Variants in CACNA2D3 observed in about 807,000 individuals in gnomAD.
The protein encoded by CACNA2D3 is calcium voltage-gated channel auxiliary subunit alpha2delta 3, also known as voltage-dependent calcium channel subunit alpha-2/delta-3.
In CACNA2D3, 60 loss-of-function variants were observed where a neutral mutation model predicts 160.6. The ratio of observed to expected loss-of-function variants is 0.37; its 90% confidence interval spans 0.30 to 0.46. The LOEUF is 0.46. CACNA2D3 is among the 20% of genes least tolerant of loss of function. The pLI, the probability that CACNA2D3 is intolerant of heterozygous loss-of-function variation, is 1.00. For missense variants in CACNA2D3, 1,205 were observed against 1,365.0 expected, an observed-to-expected ratio of 0.88 and a Z score of 1.85; for synonymous variants, 558 against 492.9, an observed-to-expected ratio of 1.13 and a Z score of -1.75.
At chr3:54,194,144 T>C (rs1178845870) in intron 2 of CACNA2D3, among the ~76,000 whole-genome samples, 1 of 152,088 alleles carries the variant, frequency 6.6e-6, no homozygotes, top group Non-Finnish European at 1.5e-5. Context: ...AAAAGGAATA[T>C]GTTCTAATGT....
intron 26 of CACNA2D3, among the ~76,000 whole-genome samples, chr3:54,897,485 G>A (rs966867728): frequency 6.6e-6 from 1 of 152,110 alleles, no homozygotes; most frequent in Non-Finnish European, 1.5e-5. Flanking sequence ...TACTGGAAAT[G>A]CTTCAGTTTT....
At chr3:54,264,442 C>T (rs552947028) in intron 2 of CACNA2D3, among the ~76,000 whole-genome samples, 63 of 152,270 alleles carry the variant, frequency 4.1e-4, no homozygotes, top group African/African-American at 1.3e-3. Flanking sequence ...AAGCTGCATT[C>T]GTTTTCCTGA....
chr3:54,624,103 A>G (rs1224278454), intron 9 of CACNA2D3, among the ~76,000 whole-genome samples: 1 of 152,208 alleles, frequency 6.6e-6, no homozygotes, highest in Non-Finnish European at 1.5e-5. Context: ...GGGAGTCCTT[A>G]ACTTGAGAAG....
chr3:55,035,902 T>C (rs1012384051), intron 35 of CACNA2D3, among the ~76,000 whole-genome samples: 4 of 152,162 alleles, frequency 2.6e-5, no homozygotes, highest in African/African-American at 9.7e-5. Flanking sequence ...TGAGTGAGGA[T>C]GGATATTAAA....
chr3:54,700,855 C>T (rs1028124705), intron 11 of CACNA2D3, among the ~76,000 whole-genome samples: 3 of 152,270 alleles, frequency 2.0e-5, no homozygotes, highest in African/African-American at 7.2e-5. Flanking sequence ...AAACTACTTG[C>T]CCAAGTCTCA....
intron 2 of CACNA2D3, among the ~76,000 whole-genome samples, chr3:54,246,261 T>A (rs1702074000): frequency 6.6e-6 from 1 of 152,246 alleles, no homozygotes; most frequent in Non-Finnish European, 1.5e-5. Flanking sequence ...CCCTTGAGGA[T>A]CTTAGATAGG....
rs542776331 is a variant in CACNA2D3 at position 54,913,354 on chromosome 3, T to C, written c.2449+13486T>C. 6.6e-5 allele frequency among the ~76,000 whole-genome samples: 10 copies of C among 152,350 alleles called. No homozygotes were observed. The East Asian group carries it at 1.9e-3, about 29-fold the overall frequency. On this transcript the variant is annotated intron_variant, in intron 27 of 37. Transcript: ENST00000474759. ...TGGAGACTTAGCTATCCTTGAGCAGTATTCCTAATTTCCGTGGCCCTCGTA... is the reference window on the plus strand; with the variant it reads ...TGGAGACTTAGCTATCCTTGAGCAGCATTCCTAATTTCCGTGGCCCTCGTA...
At position 54,937,651 on chromosome 3, in the gene CACNA2D3, G is replaced by A. The variant is rs1701363914; in HGVS notation, c.2450-30799G>A. On this transcript the variant is annotated intron_variant, in intron 27 of 37. Coordinates refer to ENST00000474759, the MANE Select transcript of CACNA2D3 (RefSeq NM_018398.3). ...AGTCTGGCAATTCAGCCTGAGAGGT[G>A]AGGGCAGGCATCCCAATGGATGTTA... 3.3e-5 allele frequency among the ~76,000 whole-genome samples: 5 copies of A among 152,288 alleles called. No homozygotes were observed. In the South Asian group the frequency reaches 1.0e-3, roughly 32 times the overall value.
At chr3:54,171,135 A>ATTTTTTTTTTTTTTT (rs1700557445) in intron 2 of CACNA2D3, among the ~76,000 whole-genome samples, 1 of 18,752 alleles carries the variant, frequency 5.3e-5, no homozygotes, top group Non-Finnish European at 1.1e-4. Context: ...AAAGATGATG[A>ATTTTTTTTTTTTTTT]CTTTTTTTTT....
At chr3:54,848,750 C>T (rs1698990212) in intron 17 of CACNA2D3, among the ~76,000 whole-genome samples, 1 of 152,196 alleles carries the variant, frequency 6.6e-6, no homozygotes, top group Admixed American at 6.5e-5. Flanking sequence ...AACTCCTAGT[C>T]CCACTACATC....
intron 4 of CACNA2D3, among the ~76,000 whole-genome samples, chr3:54,478,683 T>TATATATATATA (rs1553692205): frequency 7.1e-6 from 1 of 139,878 alleles, no homozygotes; most frequent in Non-Finnish European, 1.5e-5. Flanking sequence ...TATATATTGC[T>TATATATATATA]TGTCATTCTG....
chr3:55,065,761 G>A (rs558255336), intron 35 of CACNA2D3, among the ~76,000 whole-genome samples: 10 of 151,030 alleles, frequency 6.6e-5, no homozygotes, highest in African/African-American at 1.5e-4. Flanking sequence ...GGAAGGAAAC[G>A]AAAGAAAAAA....
At chr3:54,852,701 T>C (rs992807437) in intron 17 of CACNA2D3, among the ~76,000 whole-genome samples, 12 of 152,172 alleles carry the variant, frequency 7.9e-5, no homozygotes, top group African/African-American at 2.9e-4. Context: ...AATCCATGGA[T>C]TGATACATGG....
In CACNA2D3 at chr3:55,061,010, G is replaced by A. The variant is rs141552468; in HGVS notation, c.2988-12435G>A. Among the ~76,000 whole-genome samples, 881 of 152,176 alleles carry A rather than the reference G, an allele frequency of 5.8e-3. 6 individuals are homozygous for A. The highest frequency in any genetic ancestry group is 0.02 in the African/African-American group (838 of 41,514). On this transcript the variant is annotated intron_variant, in intron 35 of 37. Transcript: ENST00000474759. ...CCAGGTTGTTTTCAAGCTGTAGGTC[G>A]GCACCATAAATCTCAATAAATCCTT...
At chr3:54,391,627 C>T (rs1176904127) in intron 4 of CACNA2D3, among the ~76,000 whole-genome samples, 2 of 151,978 alleles carry the variant, frequency 1.3e-5, no homozygotes, top group African/African-American at 4.8e-5. Context: ...TCTCATGCCT[C>T]AGCTTCCCCA....
At chr3:54,406,106 T>C (rs1387647642) in intron 4 of CACNA2D3, among the ~76,000 whole-genome samples, 3 of 152,092 alleles carry the variant, frequency 2.0e-5, no homozygotes, top group Admixed American at 2.0e-4. Context: ...GGAATATAGA[T>C]TGGTGTAGCC....
chr3:55,001,084 A>G (rs568025453), intron 31 of CACNA2D3, among the ~76,000 whole-genome samples: 5 of 152,312 alleles, frequency 3.3e-5, no homozygotes, highest in African/African-American at 1.2e-4. Context: ...TGTTTAGAGG[A>G]GTACCTCGCT....
chr3:54,245,449 G>T (rs1702054744), intron 2 of CACNA2D3, among the ~76,000 whole-genome samples: 1 of 152,058 alleles, frequency 6.6e-6, no homozygotes, highest in South Asian at 2.1e-4. Flanking sequence ...GGCTCTCATG[G>T]TGGCTCATGT....
chr3:54,992,254 C>T (rs1002673843), intron 31 of CACNA2D3, among the ~76,000 whole-genome samples: 2 of 152,190 alleles, frequency 1.3e-5, no homozygotes, highest in Non-Finnish European at 2.9e-5. Flanking sequence ...CTACTACGCT[C>T]TTAGGAGTCA....
Sources: allele counts gnomAD v4.1 joint callset (sites outside exome capture counted in the v4.1 genomes callset), GRCh38; gene constraint gnomAD v4.1.1; transcripts MANE v1.5; gene names NCBI Gene and HGNC (gene_info 2026-07-23, HGNC 2026-07-21).